Variants in PRAMEF4 observed in about 807,000 individuals in gnomAD.
The protein encoded by PRAMEF4 is RP5-845O24.6.
A neutral mutation model predicts 34.4 loss-of-function variants in PRAMEF4; 18 were observed. That is an observed-to-expected ratio of 0.52 (90% CI 0.36 to 0.78). The LOEUF (loss-of-function observed/expected upper bound fraction) is 0.78. Ranked by LOEUF, PRAMEF4 falls within the 30% of genes least tolerant of loss-of-function variation. The probability of loss-of-function intolerance (pLI) is 0.00; values close to 1 mark genes in which losing one functional copy is unlikely to be tolerated. For missense variants in PRAMEF4, 482 were observed against 569.1 expected (o/e 0.85, Z 1.56); for synonymous variants, 156 against 219.3 (o/e 0.71, Z 2.55).
rs768011287 is a variant in PRAMEF4 at position 12,880,066 on chromosome 1, G to A, written c.915C>T (p.Asn305=). The A allele has an allele frequency of 1.0e-5, 16 of 1,532,918 alleles. 2 individuals are homozygous for A. Among genetic ancestry groups the A allele is most frequent in the Non-Finnish European group, 1.4e-5 (16 of 1,117,916 alleles). The allele number at this position is 1,532,918 out of a possible 1,614,324, so 95.0% of individuals were successfully genotyped here. Reference sequence around the variant, plus strand: ...TCAAGTCTGATTCCAAAAGCACACAGTTAGTTATTGTGAGGAACTTTAACG... The same window carrying A: ...TCAAGTCTGATTCCAAAAGCACACAATTAGTTATTGTGAGGAACTTTAACG... ...KTSLKFLTIT[N]CVLLESDLKH... The change falls in exon 4 of 4, where the codon AAC becomes AAT. Residue 305 remains asparagine (N), a synonymous_variant. Coordinates refer to ENST00000235349, the MANE Select transcript of PRAMEF4 (RefSeq NM_001009611.4).
At chr1:12,881,659 G>T (rs1640891470) in intron 3 of PRAMEF4, among the ~76,000 whole-genome samples, 195 bp downstream of exon 3, 2 of 142,966 alleles carry the variant, frequency 1.4e-5, no homozygotes, top group Admixed American at 1.4e-4. Flanking sequence ...TCCCCTAGCT[G>T]ATCCCTCTGC....
At chr1:12,881,006 A>C (rs556739313) in intron 3 of PRAMEF4, among the ~76,000 whole-genome samples, 1 of 148,062 alleles carries the variant, frequency 6.8e-6, no homozygotes, top group East Asian at 2.0e-4. Context: ...TGACAAGTGC[A>C]GGTTTGCTGA....
At chr1:12,883,006 C>T (rs1327441180) in intron 2 of PRAMEF4, 96 bp downstream of exon 2, 2 of 1,538,754 alleles carry the variant, frequency 1.3e-6, no homozygotes, top group African/African-American at 1.4e-5. Flanking sequence ...TCCTCACCAC[C>T]ACCATCCCCC....
intron 2 of PRAMEF4, 99 bp downstream of exon 2, chr1:12,883,003 C>G (rs1464086725): frequency 1.3e-6 from 2 of 1,532,496 alleles, no homozygotes. Context: ...GCTTCCTCAC[C>G]ACCACCATCC....
chr1:12,883,357 T>C lies in PRAMEF4; in HGVS notation c.38A>G (p.Glu13Gly). 6.2e-7 allele frequency: 1 copy of C among 1,600,674 alleles called. No homozygotes were observed. Among genetic ancestry groups the C allele is most frequent in the Non-Finnish European group, 8.5e-7 (1 of 1,173,672 alleles). ...MSIWTPPRLL[E>G]LAGRSLLRDQ... ...CCTTAGCAGGCTCCGCCCTGCAAGC[T>C]CCAGGAGTCTGGGTGGAGTCCAGAT... The change falls in exon 2 of 4, where the codon GAG (glutamate) becomes GGG (glycine). Residue 13 changes from glutamate (E) to glycine (G), a missense_variant. This residue lies in a region of PRAMEF4 where 172 missense variants were observed against 130.2 expected (regional missense o/e 1.32). Coordinates refer to ENST00000235349, the MANE Select transcript of PRAMEF4 (RefSeq NM_001009611.4).
Position 12,880,011 on chromosome 1 carries a change from G to GGC in PRAMEF4, c.969_970insGC (p.Gln324AlafsTer3). ...CCACTCAGGTCCAGGGTCTTTAGTT[G>GGC]ACTGATACTCGGGCACTGGGATAGA... On this transcript the variant is annotated frameshift_variant, in exon 4 of 4. Coordinates refer to ENST00000235349, the MANE Select transcript of PRAMEF4 (RefSeq NM_001009611.4). LOFTEE classifies it high-confidence loss of function. The GGC allele has an allele frequency of 6.2e-7, 1 of 1,602,036 alleles. No individual in the cohort carries two copies. The highest frequency in any genetic ancestry group is 8.5e-7 in the Non-Finnish European group (1 of 1,173,992).
rs145441347 is a variant in PRAMEF4 at position 12,882,115 on chromosome 1, T to C, written c.614A>G (p.Asn205Ser). 297 of 1,583,440 alleles carry C rather than the reference T, an allele frequency of 1.9e-4. 6 individuals carry two copies. The African/African-American group carries it at 3.8e-3, about 20-fold the overall frequency. Residue 205 changes from asparagine to serine, a missense_variant, in exon 3 of 4, where the codon AAC becomes AGC. This residue lies in a region of PRAMEF4 where 72 missense variants were observed against 128.9 expected (regional missense o/e 0.56). Coordinates refer to ENST00000235349, the MANE Select transcript of PRAMEF4 (RefSeq NM_001009611.4). ...RNIRSILKMVNLDCIQEVEVN... is the reference protein window; with the variant it reads ...RNIRSILKMVSLDCIQEVEVN... ...TTCCACCTCCTGGATACAGTCTAGGTTCACCATTTTCAGGATGCTTCTGAT... is the reference window on the plus strand; with the variant it reads ...TTCCACCTCCTGGATACAGTCTAGGCTCACCATTTTCAGGATGCTTCTGAT...
chr1:12,880,288 A>G (rs916582881), intron 3 of PRAMEF4, among the ~76,000 whole-genome samples, 183 bp from the exon 4 acceptor site: 2 of 151,242 alleles, frequency 1.3e-5, no homozygotes, highest in Non-Finnish European at 2.9e-5. Context: ...GGTCAATTCC[A>G]CTTTAGACCC....
intron 1 of PRAMEF4, among the ~76,000 whole-genome samples, chr1:12,884,082 C>T (rs1381733066): frequency 6.8e-6 from 1 of 146,390 alleles, no homozygotes; most frequent in African/African-American, 2.6e-5. Context: ...GATCTCAGCT[C>T]AGTGCAGCCT....
At chr1:12,881,225 G>T (rs1167754827) in intron 3 of PRAMEF4, among the ~76,000 whole-genome samples, 1 of 147,684 alleles carries the variant, frequency 6.8e-6, no homozygotes, top group Non-Finnish European at 1.5e-5. Flanking sequence ...AATTAGCCAG[G>T]TGTGGTGGCT....
intron 1 of PRAMEF4, among the ~76,000 whole-genome samples, chr1:12,885,887 G>A (rs61781706): frequency 0.74 from 82,865 of 112,640 alleles, 32,446 homozygotes; most frequent in African/African-American, 0.92. Flanking sequence ...TTGGCCTCCC[G>A]AAGTGTTGGG....
intron 1 of PRAMEF4, among the ~76,000 whole-genome samples, chr1:12,883,989 TTCTC>T (rs773450021): frequency 5.6e-5 from 8 of 143,236 alleles, no homozygotes; most frequent in Non-Finnish European, 1.2e-4. Flanking sequence ...CCTTCTCTCA[TTCTC>T]TCTCTCTTTC....
At position 12,883,749 on chromosome 1, in the gene PRAMEF4, T is replaced by C. The variant is rs900198719; in HGVS notation, c.-16-339A>G. Among the ~76,000 whole-genome samples, 5 of 147,998 alleles carry C rather than the reference T, an allele frequency of 3.4e-5. 1 individual carries two copies. ...ACTCAAGGTTCTAAAACAATGGGAA[T>C]GGGAATGTCACAAGCCTACATGCCC... is the stretch of plus-strand genomic sequence containing the variant. On this transcript the variant is annotated intron_variant, in intron 1 of 3. Transcript: ENST00000235349.
Position 12,884,565 on chromosome 1 carries a change from A to G in PRAMEF4, c.-16-1155T>C, listed in dbSNP as rs571730377. ...CCCTGACTCTACTAAGACAGCAAAA[A>G]TTAGCCAGGTGCAGTGGTCTGCGCC... On this transcript the variant is annotated intron_variant, in intron 1 of 3. Transcript: ENST00000235349. Among the ~76,000 whole-genome samples the G allele has an allele frequency of 1.7e-3, 255 of 147,022 alleles. 4 individuals are homozygous for G. Among genetic ancestry groups the G allele is most frequent in the African/African-American group, 6.2e-3 (245 of 39,424 alleles).
In PRAMEF4 at chr1:12,879,787, C is replaced by T. The variant is rs780451928; in HGVS notation, c.1194G>A (p.Glu398=). 13 of 1,601,710 alleles carry T rather than the reference C, an allele frequency of 8.1e-6. 1 individual carries two copies. In the East Asian group the frequency reaches 2.7e-4, roughly 33 times the overall value. The part of the protein sequence containing the change: ...CGNPICMATL[E]NLLSHTIILK... ...GTATGATTGTGTGGCTCAGCAGGTT[C>T]TCCAGGGTGGCCATGCAGATGGGAT... The change falls in exon 4 of 4, where the codon GAG becomes GAA. Residue 398 remains glutamate (E), a synonymous_variant. Transcript: ENST00000235349.
Sources: allele counts gnomAD v4.1 joint callset (sites outside exome capture counted in the v4.1 genomes callset), GRCh38; gene constraint gnomAD v4.1.1; regional missense constraint gnomAD v4.1.1; transcripts MANE v1.5; gene names NCBI Gene and HGNC (gene_info 2026-07-23, HGNC 2026-07-21).